Variants in HDAC9 observed in about 807,000 individuals in gnomAD.
HDAC9 encodes the protein MEF-2 interacting transcription repressor (MITR) protein.
Under a neutral mutation model 139.4 loss-of-function variants are expected in HDAC9, and 41 were observed. The ratio of observed to expected loss-of-function variants is 0.29; its 90% CI spans 0.23 to 0.38. The LOEUF (loss-of-function observed/expected upper bound fraction) is 0.38, where lower values mean the gene tolerates loss of function less well. Among genes scored for constraint, HDAC9 ranks in the 10% least tolerant of loss-of-function variants. HDAC9 has a pLI of 1.00. For synonymous variants in HDAC9, 517 were observed against 476.2 expected, an observed-to-expected ratio of 1.09 and a Z score of -1.12; for missense variants, 1,147 against 1,297.0, an observed-to-expected ratio of 0.88 and a Z score of 1.78.
At chr7:18,133,592 T>C (rs191590405) in intron 1 of HDAC9, among the ~76,000 whole-genome samples, 2 of 152,312 alleles carry the variant, frequency 1.3e-5, no homozygotes, top group African/African-American at 4.8e-5. Context: ...TCAGCAGATA[T>C]GAACGTTTTC....
intron 12 of HDAC9, among the ~76,000 whole-genome samples, chr7:18,688,463 G>T (rs2129095753): frequency 6.6e-6 from 1 of 151,928 alleles, no homozygotes; most frequent in South Asian, 2.1e-4. Context: ...AATTATTTTA[G>T]AAATATTTTT....
intron 1 of HDAC9, among the ~76,000 whole-genome samples, chr7:18,320,760 C>A (rs1235131996): frequency 6.6e-6 from 1 of 152,084 alleles, no homozygotes; most frequent in Non-Finnish European, 1.5e-5. Flanking sequence ...TCCTTGGACA[C>A]CCCCCACCCC....
At chr7:18,223,031 A>G (rs902471831) in intron 2 of HDAC9, among the ~76,000 whole-genome samples, 22 of 152,190 alleles carry the variant, frequency 1.4e-4, no homozygotes, top group African/African-American at 3.6e-4. Flanking sequence ...TTACAATAAT[A>G]TGAATAACAG....
upstream of HDAC9, among the ~76,000 whole-genome samples, chr7:18,286,658 A>G (rs983646810): frequency 1.3e-5 from 2 of 151,944 alleles, no homozygotes; most frequent in African/African-American, 4.8e-5. Context: ...GAGAGGTTTA[A>G]TAAAGTATTT....
chr7:18,412,537 C>A lies in HDAC9; in HGVS notation c.-41-83725C>A, dbSNP rs117204964. ...TTTACCATTTAGTGCCATAGGAATC[C>A]TATGATGAAGACACGATCATACTCC... is the stretch of plus-strand genomic sequence containing the variant. On this transcript the variant is annotated intron_variant, in intron 1 of 3. Transcript: ENST00000413509. Among the ~76,000 whole-genome samples, 784 of 152,198 alleles carry A rather than the reference C, an allele frequency of 5.2e-3. 1 individual carries two copies. The highest frequency in any genetic ancestry group is 9.1e-3 in the Non-Finnish European group (621 of 68,004).
At chr7:18,204,137 CA>C (rs1490990667) in intron 2 of HDAC9, among the ~76,000 whole-genome samples, 1 of 152,078 alleles carries the variant, frequency 6.6e-6, no homozygotes, top group Non-Finnish European at 1.5e-5. Context: ...AATTTAGTGA[CA>C]GTGAAAGTTT....
intron 6 of HDAC9, among the ~76,000 whole-genome samples, chr7:18,615,207 A>T (rs900760371): frequency 1.3e-5 from 2 of 152,226 alleles, no homozygotes; most frequent in Admixed American, 6.5e-5. Context: ...ATATAAAATT[A>T]AAAAATATTT....
At chr7:18,847,786 C>T (rs1488223837) in intron 21 of HDAC9, among the ~76,000 whole-genome samples, 1 of 152,116 alleles carries the variant, frequency 6.6e-6, no homozygotes, top group African/African-American at 2.4e-5. Context: ...ATGGATTATG[C>T]ATACATATGA....
chr7:18,187,921 G>T (rs1790041465), intron 2 of HDAC9, among the ~76,000 whole-genome samples: 1 of 151,966 alleles, frequency 6.6e-6, no homozygotes, highest in African/African-American at 2.4e-5. Context: ...AATCACCTGG[G>T]GCTAAAATAA....
At chr7:18,552,197 A>G (rs1817374352) in intron 2 of HDAC9, among the ~76,000 whole-genome samples, 1 of 152,194 alleles carries the variant, frequency 6.6e-6, no homozygotes, top group Non-Finnish European at 1.5e-5. Flanking sequence ...GTATTTTTAC[A>G]TTAGGTTTAT....
At chr7:18,427,268 A>G (rs947026711) in intron 1 of HDAC9, among the ~76,000 whole-genome samples, 20 of 152,280 alleles carry the variant, frequency 1.3e-4, no homozygotes, top group African/African-American at 4.8e-4. Context: ...ATTCACACCT[A>G]CAGCCTTATC....
At chr7:18,245,403 C>G (rs1219457155) in intron 2 of HDAC9, among the ~76,000 whole-genome samples, 2 of 152,280 alleles carry the variant, frequency 1.3e-5, no homozygotes, top group South Asian at 4.1e-4. Flanking sequence ...ACTTCTAACA[C>G]TGAGACCTCC....
intron 2 of HDAC9, among the ~76,000 whole-genome samples, chr7:18,525,241 G>C (rs762686141): frequency 2.6e-5 from 4 of 151,568 alleles, no homozygotes; most frequent in Admixed American, 6.6e-5. Context: ...GTAATGACTT[G>C]GATAGAGACC....
intron 2 of HDAC9, among the ~76,000 whole-genome samples, chr7:18,217,810 A>G (rs1247526735): frequency 6.6e-6 from 1 of 152,226 alleles, no homozygotes; most frequent in Admixed American, 6.5e-5. Flanking sequence ...TTACCCTAAA[A>G]TTTAACAACT....
At chr7:18,631,917 G>T (rs1165070858) in intron 7 of HDAC9, among the ~76,000 whole-genome samples, 1 of 151,946 alleles carries the variant, frequency 6.6e-6, no homozygotes, top group African/African-American at 2.4e-5. Flanking sequence ...TGGTACAGTA[G>T]TTGTTGCCCT....
intron 22 of HDAC9, among the ~76,000 whole-genome samples, chr7:18,893,033 GAAAAAA>G (rs71960483): frequency 1.2e-4 from 8 of 66,888 alleles, no homozygotes; most frequent in East Asian, 5.1e-4. Context: ...GTAATAGGCC[GAAAAAA>G]AAAAAAAAAA....
chr7:18,595,626 T>C (rs1047781443), intron 6 of HDAC9, among the ~76,000 whole-genome samples: 1 of 152,016 alleles, frequency 6.6e-6, no homozygotes, highest in African/African-American at 2.4e-5. Context: ...GGATTCCCCT[T>C]ATGGCAGGAG....
chr7:18,528,336 A>G (rs1041714176), intron 2 of HDAC9, among the ~76,000 whole-genome samples: 1 of 151,998 alleles, frequency 6.6e-6, no homozygotes, highest in Non-Finnish European at 1.5e-5. Context: ...GAAATGAGAA[A>G]TACTAATATA....
rs1829144829 is a variant in HDAC9, at chr7:18,585,335, T to C, written c.77T>C (p.Leu26Pro). The part of the protein sequence containing the change: ...VGLEPISPLD[L>P]RTDLRMMMPV... ...CTGGAGCCCATCTCACCTTTAGACC[T>C]AAGGACAGACCTCAGGATGATGATG... The change falls in exon 3 of 26, where the codon CTA (leucine) becomes CCA (proline). Residue 26 changes from leucine to proline, a missense_variant. Physicochemically the swap from Leu to Pro is moderately conservative, Grantham distance 98. Around this residue, in one of 7 missense-constraint regions of HDAC9, gnomAD observed 136 missense variants for 183.5 expected, o/e 0.74. Coordinates refer to ENST00000686413, the MANE Select transcript of HDAC9 (RefSeq NM_178425.4). The C allele has an allele frequency of 1.9e-6, 3 of 1,597,674 alleles. No homozygotes were observed. Among genetic ancestry groups the C allele is most frequent in the Non-Finnish European group, 2.6e-6 (3 of 1,169,400 alleles).
Sources: gnomAD v4.1 joint callset for allele counts (sites outside exome capture counted in the v4.1 genomes callset) on GRCh38, gnomAD v4.1.1 for gene constraint, gnomAD v4.1.1 regional missense constraint, MANE v1.5 for transcripts, NCBI Gene and HGNC (gene_info 2026-07-23, HGNC 2026-07-21) for gene names.